Variants in SYNRG observed in about 807,000 individuals in gnomAD.
SYNRG encodes AP1 gamma subunit binding protein 1.
Under a neutral mutation model 130.9 loss-of-function variants are expected in SYNRG, and 37 were observed. The observed-to-expected ratio is 0.28, with a 90% CI of 0.22 to 0.37. The LOEUF (loss-of-function observed/expected upper bound fraction) is 0.37, where lower values mean the gene tolerates loss of function less well. SYNRG is among the 10% of genes least tolerant of loss of function. The pLI, the probability that SYNRG is intolerant of heterozygous loss-of-function variation, is 1.00. For synonymous variants in SYNRG, 539 were observed against 568.1 expected (o/e 0.95, Z 0.73); for missense variants, 1,338 against 1,588.9 (o/e 0.84, Z 2.68).
intron 4 of SYNRG, among the ~76,000 whole-genome samples, chr17:37,585,994 CTTTT>C (rs757072906): frequency 6.6e-6 from 1 of 152,014 alleles, no homozygotes; most frequent in African/African-American, 2.4e-5. Flanking sequence ...TTTAAAGAGG[CTTTT>C]TTGTTTTTGT....
At chr17:37,599,260 GC>G (rs1455554746) in intron 2 of SYNRG, among the ~76,000 whole-genome samples, 1 of 152,194 alleles carries the variant, frequency 6.6e-6, no homozygotes, top group African/African-American at 2.4e-5. Context: ...CCAGATGAAG[GC>G]AGATCTATTC....
rs776250121 is a variant in SYNRG at position 37,571,963 on chromosome 17, G to A, written c.926C>T (p.Thr309Ile). Residue 309 changes from threonine to isoleucine, a missense_variant, in exon 9 of 22, where the codon ACC (threonine) becomes ATC (isoleucine). By Grantham distance (89) the Thr-to-Ile change is moderately conservative. This residue lies in a region of SYNRG where 1,146 missense variants were observed against 1,342.3 expected (regional missense o/e 0.85). Transcript: ENST00000612223. ...ATCTATTCCAGTTGGAGTCATTGTG[G>A]TTTCTAAGATTTTCTTATAGGCATC... ...VPDAYKKILE[T>I]TMTPTGIDTA... is the part of the protein sequence containing the mutation. The A allele has an allele frequency of 9.3e-6, 15 of 1,611,882 alleles. No homozygotes were observed. The East Asian group carries it at 2.7e-4, about 29-fold the overall frequency.
At chr17:37,596,674 C>A (rs548003448) in intron 2 of SYNRG, among the ~76,000 whole-genome samples, 1 of 152,170 alleles carries the variant, frequency 6.6e-6, no homozygotes, top group African/African-American at 2.4e-5. Flanking sequence ...TATTCATACC[C>A]GTGTGTTGTT....
At chr17:37,547,315 T>C (rs996358577) in intron 14 of SYNRG, among the ~76,000 whole-genome samples, 2 of 152,194 alleles carry the variant, frequency 1.3e-5, no homozygotes, top group Non-Finnish European at 2.9e-5. Context: ...GGACTGCCCC[T>C]GGTCATCAGT....
chr17:37,520,655 GGAC>G lies in SYNRG; in HGVS notation c.3667-10_3667-8del, dbSNP rs749129444. 1.8e-5 allele frequency: 29 copies of G among 1,612,806 alleles called. No individual in the cohort carries two copies. The highest frequency in any genetic ancestry group is 1.6e-4 in the Middle Eastern group (1 of 6,084). ...CCAGCGAGTTTTCATCTGGCTGTGA[GGAC>G]GACAAGACAAATGGGTAAGAAGTCC... On this transcript the variant is annotated splice_region_variant and splice_polypyrimidine_tract_variant and intron_variant, in intron 19 of 21. Transcript: ENST00000612223.
intron 6 of SYNRG, chr17:37,579,236 G>A (rs2061092861): frequency 7.8e-7 from 1 of 1,284,812 alleles, no homozygotes; most frequent in Non-Finnish European, 1.0e-6. Context: ...TGGAGGGAGA[G>A]GCTGTGTCCC....
chr17:37,519,350 A>T (rs199830089), intron 21 of SYNRG, among the ~76,000 whole-genome samples: 1 of 152,056 alleles, frequency 6.6e-6, no homozygotes, highest in Admixed American at 6.5e-5. Flanking sequence ...GGAGGGGGGG[A>T]ATCATGATAA....
At chr17:37,580,296 CT>C (rs111270719) in intron 6 of SYNRG, among the ~76,000 whole-genome samples, 89,912 of 138,238 alleles carry the variant, frequency 0.65, 29,940 homozygotes, top group East Asian at 0.88. Flanking sequence ...TACAAAAGAA[CT>C]TTTTTTTTTT....
At chr17:37,535,838 T>G in intron 19 of SYNRG, 141 bp downstream of exon 19, 1 of 1,158,738 alleles carries the variant, frequency 8.6e-7, no homozygotes, top group Non-Finnish European at 1.2e-6. Context: ...ACCACACACC[T>G]GTGATCTCCC....
chr17:37,604,205 A>C (rs1175765495), intron 1 of SYNRG, among the ~76,000 whole-genome samples: 4 of 150,408 alleles, frequency 2.7e-5, no homozygotes, highest in Non-Finnish European at 4.4e-5. Flanking sequence ...ACGCCACTGC[A>C]CTCCAGCCTG....
At position 37,558,848 on chromosome 17, in the gene SYNRG, C is replaced by T. The variant is rs150112978; in HGVS notation, c.1663+2347G>A. On this transcript the variant is annotated intron_variant, in intron 13 of 21. Coordinates refer to ENST00000612223, the MANE Select transcript of SYNRG (RefSeq NM_007247.6). ...ATGATCCTGTGTCTTGGTTGTGGCC[C>T]GAGCTTTGAACTGCTACTTGCCATT... is the stretch of plus-strand genomic sequence containing the variant. 1.6e-3 allele frequency among the ~76,000 whole-genome samples: 238 copies of T among 152,252 alleles called. 2 individuals are homozygous for T. In the Middle Eastern group the frequency reaches 0.017, roughly 11 times the overall value.
At chr17:37,578,770 G>A (rs2061058723) in intron 6 of SYNRG, among the ~76,000 whole-genome samples, 1 of 152,206 alleles carries the variant, frequency 6.6e-6, no homozygotes, top group Non-Finnish European at 1.5e-5. Flanking sequence ...CAAGTGCCCT[G>A]TCACTGAAGC....
intron 14 of SYNRG, among the ~76,000 whole-genome samples, chr17:37,548,825 TAAAA>T (rs549765253): frequency 9.9e-6 from 1 of 100,980 alleles, no homozygotes; most frequent in African/African-American, 3.8e-5. Flanking sequence ...AACTCTGTCT[TAAAA>T]AAAAAAAAAA....
chr17:37,537,218 G>A (rs1043121618), intron 18 of SYNRG: 7 of 152,424 alleles, frequency 4.6e-5, no homozygotes, highest in African/African-American at 1.7e-4. Flanking sequence ...AAATATTTTT[G>A]AGTGCCAACT....
intron 13 of SYNRG, 89 bp from the exon 14 acceptor site, chr17:37,554,148 C>A: frequency 4.1e-6 from 5 of 1,213,160 alleles, no homozygotes; most frequent in South Asian, 2.9e-5. Flanking sequence ...CATAATTTTA[C>A]TGACTTTTCT....
chr17:37,598,035 G>C (rs780399306), intron 2 of SYNRG, among the ~76,000 whole-genome samples: 5 of 152,160 alleles, frequency 3.3e-5, no homozygotes, highest in Non-Finnish European at 5.9e-5. Context: ...AGTTATTAGA[G>C]GTAGGCCATT....
In SYNRG at chr17:37,553,646, C is replaced by A. The variant is rs1286789899; in HGVS notation, c.2077G>T (p.Asp693Tyr). Residue 693 changes from aspartate (D) to tyrosine (Y), a missense_variant, in exon 14 of 22, where the codon GAT becomes TAT. Physicochemically the swap from Asp to Tyr is radical, Grantham distance 160. This residue lies in a region of SYNRG where 1,146 missense variants were observed against 1,342.3 expected (regional missense o/e 0.85). Coordinates refer to ENST00000612223, the MANE Select transcript of SYNRG (RefSeq NM_007247.6). ...GAGCTATTACTGAAAGCCATAAAAT[C>A]TGCAAAGTCATCCTGCTCCCCAACA... ...APVGEQDDFADFMAFSNSSIS... is the reference protein window; with the variant it reads ...APVGEQDDFAYFMAFSNSSIS... The A allele has an allele frequency of 6.2e-7, 1 of 1,614,018 alleles. No individual in the cohort carries two copies. Among genetic ancestry groups the A allele is most frequent in the Non-Finnish European group, 8.5e-7 (1 of 1,179,990 alleles).
intron 19 of SYNRG, 38 bp downstream of exon 19, chr17:37,535,941 G>A (rs1390530691): frequency 1.9e-6 from 3 of 1,610,710 alleles, no homozygotes; most frequent in Admixed American, 3.3e-5. Context: ...TAGGTTTCTG[G>A]AAAGGAAAGC....
intron 19 of SYNRG, among the ~76,000 whole-genome samples, chr17:37,535,525 T>C (rs1044209036): frequency 6.6e-6 from 1 of 152,218 alleles, no homozygotes; most frequent in Admixed American, 6.5e-5. Flanking sequence ...GTGATTTGTC[T>C]ATTCAGAGAA....
Sources: gnomAD v4.1 joint callset for allele counts (sites outside exome capture counted in the v4.1 genomes callset) on GRCh38, gnomAD v4.1.1 for gene constraint, gnomAD v4.1.1 regional missense constraint, MANE v1.5 for transcripts, NCBI Gene and HGNC (gene_info 2026-07-23, HGNC 2026-07-21) for gene names.